Variants in ATP2C1 observed in about 807,000 individuals in gnomAD.
ATP2C1 encodes ATPase secretory pathway Ca2+ transporting 1.
Under a neutral mutation model 120.5 loss-of-function variants are expected in ATP2C1, and 31 were observed. That is an observed-to-expected ratio of 0.26 (90% CI 0.19 to 0.35). The LOEUF is 0.35. Among genes scored for constraint, ATP2C1 ranks in the 10% least tolerant of loss-of-function variants. The pLI is 1.00. For synonymous variants in ATP2C1, 351 were observed against 358.7 expected, an observed-to-expected ratio of 0.98 and a Z score of 0.24; for missense variants, 731 against 1,107.5, an observed-to-expected ratio of 0.66 and a Z score of 4.83.
intron 12 of ATP2C1, among the ~76,000 whole-genome samples, chr3:130,960,930 C>G (rs937360911): frequency 5.9e-5 from 9 of 152,060 alleles, no homozygotes; most frequent in African/African-American, 2.2e-4. Context: ...AAAAGAAATC[C>G]TGGTAGACCT....
At position 130,894,194 on chromosome 3, in the gene ATP2C1, C is replaced by T. The variant is rs916515123; in HGVS notation, c.-324C>T. ...TCTCCCTCCCTTCCTCCCTCCCGCTCGCTTCTTCTCACGCCGGGAGCAGGC... is the reference window on the plus strand; with the variant it reads ...TCTCCCTCCCTTCCTCCCTCCCGCTTGCTTCTTCTCACGCCGGGAGCAGGC... On this transcript the variant is annotated 5_prime_UTR_variant, in exon 1 of 28. Coordinates refer to ENST00000510168, the MANE Select transcript of ATP2C1 (RefSeq NM_001378687.1). The surrounding 1 kb of genome is among the most constrained non-coding windows in gnomAD (Gnocchi z 4.5). The T allele has an allele frequency of 7.4e-5, 73 of 982,438 alleles. 1 individual carries two copies. In the African/African-American group the frequency reaches 1.2e-3, roughly 16 times the overall value. The allele number at this position is 982,438 out of a possible 1,614,324, so 60.9% of individuals were successfully genotyped here.
intron 9 of ATP2C1, among the ~76,000 whole-genome samples, chr3:130,954,799 A>T (rs2060508957): frequency 6.6e-6 from 1 of 152,096 alleles, no homozygotes; most frequent in South Asian, 2.1e-4. Flanking sequence ...CAATACGTTT[A>T]ATGTAATGTT....
At chr3:130,988,775 G>A (rs185143502) in intron 20 of ATP2C1, among the ~76,000 whole-genome samples, 116 of 152,308 alleles carry the variant, frequency 7.6e-4, no homozygotes, top group Non-Finnish European at 2.9e-4. Context: ...AGATTAGGCA[G>A]CATTTAGGCC....
chr3:130,894,413 C>T lies in ATP2C1; in HGVS notation c.-181+76C>T, dbSNP rs2107900728. On this transcript the variant is annotated intron_variant, in intron 1 of 27. Transcript: ENST00000510168. This position sits in a 1 kb window ranked among gnomAD's most constrained non-coding sequence, Gnocchi z 4.5. ...TGAAGGAAGGGGAGGTTCGGGTATC[C>T]CCTGGATGGGGGGGCATCTCTAGGG... 2 of 1,238,074 alleles carry T rather than the reference C, an allele frequency of 1.6e-6. No individual in the cohort carries two copies. The highest frequency in any genetic ancestry group is 3.1e-5 in the African/African-American group (2 of 65,120). 76.7% of individuals were successfully genotyped at this position (1,238,074 alleles called of 1,614,324 possible).
At chr3:131,012,548 A>C (rs184411998) in intron 26 of ATP2C1, among the ~76,000 whole-genome samples, 4 of 151,976 alleles carry the variant, frequency 2.6e-5, no homozygotes, top group African/African-American at 9.7e-5. Flanking sequence ...GTGAGCCACT[A>C]CATCCAGCAC....
intron 2 of ATP2C1, among the ~76,000 whole-genome samples, chr3:130,908,081 G>C (rs189099283): frequency 6.6e-6 from 1 of 152,070 alleles, no homozygotes; most frequent in Non-Finnish European, 1.5e-5. Flanking sequence ...GTGTAGTGAT[G>C]ACTAGTCTTG....
chr3:130,865,483 TG>T (rs2068143131), intron 1 of ATP2C1, among the ~76,000 whole-genome samples: 1 of 152,180 alleles, frequency 6.6e-6, no homozygotes, highest in South Asian at 2.1e-4. Context: ...AGATGATATT[TG>T]GAGGGCCCAG....
chr3:130,977,240 CCCTGATTCA>C (rs1560001695), intron 18 of ATP2C1, among the ~76,000 whole-genome samples: 1 of 152,004 alleles, frequency 6.6e-6, no homozygotes. Flanking sequence ...CCTGTTACTC[CCCTGATTCA>C]CCTGATTCTG....
At chr3:130,931,871 C>T (rs2059465088) in intron 3 of ATP2C1, 151 bp from the exon 4 acceptor site, 4 of 631,372 alleles carry the variant, frequency 6.3e-6, no homozygotes, top group Non-Finnish European at 1.1e-5. Context: ...CTTCTGGTCC[C>T]AGGCAACCAC....
At chr3:131,016,036 T>A in intron 26 of ATP2C1, 1 of 1,339,004 alleles carries the variant, frequency 7.5e-7, no homozygotes, top group Non-Finnish European at 1.0e-6. Flanking sequence ...AGTTTTTTTT[T>A]GTTTTGGTTT....
At chr3:130,990,881 A>G (rs891488625) in intron 20 of ATP2C1, among the ~76,000 whole-genome samples, 4 of 152,206 alleles carry the variant, frequency 2.6e-5, no homozygotes, top group African/African-American at 9.6e-5. Flanking sequence ...GCAACTGCAC[A>G]TATGTACTTT....
intron 4 of ATP2C1, among the ~76,000 whole-genome samples, chr3:130,933,199 G>T (rs552863877): frequency 1.3e-5 from 2 of 152,180 alleles, no homozygotes; most frequent in African/African-American, 4.8e-5. Flanking sequence ...AATAGTGCCT[G>T]TAATGTAGTT....
At chr3:130,963,860 A>T in intron 12 of ATP2C1, 111 bp from the exon 13 acceptor site, 1 of 1,293,930 alleles carries the variant, frequency 7.7e-7, no homozygotes, top group Non-Finnish European at 1.1e-6. Context: ...TTTTTTAGGT[A>T]TTGACTATAT....
chr3:130,955,274 A>G (rs1191768040), intron 10 of ATP2C1, among the ~76,000 whole-genome samples, 194 bp downstream of exon 10: 1 of 152,190 alleles, frequency 6.6e-6, no homozygotes. Context: ...TTAGTATTCT[A>G]AAGGATTTTG....
At chr3:130,997,813 T>A in intron 25 of ATP2C1, 60 bp downstream of exon 25, 2 of 1,569,716 alleles carry the variant, frequency 1.3e-6, no homozygotes, top group Non-Finnish European at 8.6e-7. Flanking sequence ...ATAGGATTCT[T>A]AGTTATTTTG....
intron 1 of ATP2C1, among the ~76,000 whole-genome samples, chr3:130,888,665 G>C (rs1057438439): frequency 2.6e-5 from 4 of 152,204 alleles, no homozygotes; most frequent in African/African-American, 9.7e-5. Flanking sequence ...CCTCCCCCAA[G>C]TGCATATACT....
chr3:130,937,352 G>T, intron 5 of ATP2C1, 76 bp from the exon 6 acceptor site: 1 of 1,270,714 alleles, frequency 7.9e-7, no homozygotes. Context: ...ACTGCAGATA[G>T]TTAGAAAAAT....
At chr3:130,973,783 G>C (rs2061430549) in intron 17 of ATP2C1, among the ~76,000 whole-genome samples, 1 of 152,178 alleles carries the variant, frequency 6.6e-6, no homozygotes, top group Admixed American at 6.5e-5. Flanking sequence ...TGAAAACATT[G>C]ACACTGGAGG....
In ATP2C1 at chr3:130,996,726, T is replaced by C. The variant is rs1188088431; in HGVS notation, c.2173T>C (p.Phe725Leu). The C allele has an allele frequency of 6.2e-7, 1 of 1,613,356 alleles. No individual in the cohort carries two copies. Among genetic ancestry groups the C allele is most frequent in the Non-Finnish European group, 8.5e-7 (1 of 1,179,330 alleles). ...AATCTCATTGGCTACATTAATGAAC[T>C]TTCCTAATCCTCTCAATGCCATGCA... ...TLISLATLMNFPNPLNAMQIL... is the reference protein window; with the variant it reads ...TLISLATLMNLPNPLNAMQIL... Residue 725 changes from phenylalanine to leucine, a missense_variant, in exon 24 of 28, where the codon TTT becomes CTT. Physicochemically the swap from Phe to Leu is conservative, Grantham distance 22 (BLOSUM62 0). Transcript: ENST00000510168.
Sources: gnomAD v4.1 joint callset for allele counts (sites outside exome capture counted in the v4.1 genomes callset) on GRCh38, gnomAD v4.1.1 for gene constraint, Gnocchi (gnomAD v3.1) non-coding constraint, MANE v1.5 for transcripts, NCBI Gene and HGNC (gene_info 2026-07-23, HGNC 2026-07-21) for gene names.